Variants in SLC24A3 observed in about 807,000 individuals in gnomAD.
SLC24A3 encodes the protein solute carrier family 24 member 3.
A neutral mutation model predicts 75.8 loss-of-function variants in SLC24A3; 28 were observed. That is an observed-to-expected ratio of 0.37 (90% confidence interval 0.27 to 0.51). The LOEUF (loss-of-function observed/expected upper bound fraction) is 0.51. SLC24A3 is among the 20% of genes least tolerant of loss of function. The pLI is 0.94. For missense variants in SLC24A3, 663 were observed against 847.8 expected, an observed-to-expected ratio of 0.78 and a Z score of 2.71; for synonymous variants, 372 against 334.1, an observed-to-expected ratio of 1.11 and a Z score of -1.24.
chr20:19,522,340 C>T (rs74546993), intron 3 of SLC24A3, among the ~76,000 whole-genome samples: 2,078 of 152,280 alleles, frequency 0.014, 19 homozygotes, highest in Non-Finnish European at 0.022. Flanking sequence ...GCCATCCAAA[C>T]AAGCAGGATG....
chr20:19,623,484 A>G (rs1204692716), intron 6 of SLC24A3, among the ~76,000 whole-genome samples: 1 of 152,214 alleles, frequency 6.6e-6, no homozygotes, highest in Non-Finnish European at 1.5e-5. Context: ...TTAGAGGTTC[A>G]GAATGTATTG....
chr20:19,338,568 C>T (rs962756145), intron 2 of SLC24A3, among the ~76,000 whole-genome samples: 1 of 152,156 alleles, frequency 6.6e-6, no homozygotes, highest in African/African-American at 2.4e-5. Context: ...CCCATATGAT[C>T]ACAATGCCTG....
chr20:19,401,263 A>G (rs1408394910), intron 2 of SLC24A3, among the ~76,000 whole-genome samples: 2 of 152,216 alleles, frequency 1.3e-5, no homozygotes, highest in South Asian at 2.1e-4. Context: ...GGTGCTGCCA[A>G]TGATGACACC....
rs559364706 is a variant in SLC24A3 at position 19,542,419 on chromosome 20, C to T, written c.348+26855C>T. On this transcript the variant is annotated intron_variant, in intron 3 of 16. Coordinates refer to ENST00000328041, the MANE Select transcript of SLC24A3 (RefSeq NM_020689.4). ...AGGGTGGTAAATTGACTGGAAACCA[C>T]GCCTAGGACTTCCAGGTGAAATCAC... Among the ~76,000 whole-genome samples, 45 of 152,306 alleles carry T rather than the reference C, an allele frequency of 3.0e-4. No homozygotes were observed. The South Asian group carries it at 7.7e-3, about 26-fold the overall frequency.
At chr20:19,362,178 G>A (rs572579205) in intron 2 of SLC24A3, among the ~76,000 whole-genome samples, 4 of 152,296 alleles carry the variant, frequency 2.6e-5, no homozygotes, top group Admixed American at 6.5e-5. Context: ...GTGAAATCTC[G>A]CATTCTCTGG....
At position 19,534,004 on chromosome 20, in the gene SLC24A3, G is replaced by A. The variant is rs6112448; in HGVS notation, c.348+18440G>A. Among the ~76,000 whole-genome samples the A allele has an allele frequency of 7.7e-3, 1,169 of 152,346 alleles. 8 individuals carry two copies. The highest frequency in any genetic ancestry group is 0.012 in the Non-Finnish European group (844 of 68,038). On this transcript the variant is annotated intron_variant, in intron 3 of 16. Coordinates refer to ENST00000328041, the MANE Select transcript of SLC24A3 (RefSeq NM_020689.4). ...AAAGAACAGAAGCCCTGGGGCAGTGGTGTTTGCAGGGTTCAGTTGACTCTA... is the reference window on the plus strand; with the variant it reads ...AAAGAACAGAAGCCCTGGGGCAGTGATGTTTGCAGGGTTCAGTTGACTCTA...
intron 6 of SLC24A3, among the ~76,000 whole-genome samples, chr20:19,628,375 T>G (rs961454416): frequency 1.3e-5 from 2 of 151,942 alleles, no homozygotes; most frequent in African/African-American, 4.8e-5. Flanking sequence ...TTAACAACAA[T>G]GTATAAACCA....
intron 2 of SLC24A3, among the ~76,000 whole-genome samples, chr20:19,471,472 A>G (rs1216907320): frequency 2.0e-5 from 3 of 152,162 alleles, no homozygotes; most frequent in African/African-American, 7.2e-5. Context: ...GAATGTTTCT[A>G]GATGTTGAAT....
At chr20:19,640,672 C>T (rs11698221) in intron 6 of SLC24A3, among the ~76,000 whole-genome samples, 2 of 152,088 alleles carry the variant, frequency 1.3e-5, no homozygotes, top group Non-Finnish European at 2.9e-5. Flanking sequence ...ATCACTTCAA[C>T]CCGGGAGGCG....
intron 4 of SLC24A3, among the ~76,000 whole-genome samples, chr20:19,583,268 A>C (rs572937790): frequency 1.1e-4 from 16 of 152,286 alleles, no homozygotes; most frequent in African/African-American, 3.6e-4. Context: ...GGCTTGTGCA[A>C]GGGGCAGGAT....
At chr20:19,419,387 G>A (rs1041999631) in intron 2 of SLC24A3, among the ~76,000 whole-genome samples, 1 of 151,128 alleles carries the variant, frequency 6.6e-6, no homozygotes, top group Non-Finnish European at 1.5e-5. Context: ...TTTTTCCTGG[G>A]CATTTAAGCC....
chr20:19,439,075 C>A (rs774663582), intron 2 of SLC24A3, among the ~76,000 whole-genome samples: 3 of 152,220 alleles, frequency 2.0e-5, no homozygotes, highest in Non-Finnish European at 2.9e-5. Flanking sequence ...TCCAGGTTGG[C>A]ACCCCACATC....
Position 19,455,640 on chromosome 20 carries a change from A to T in SLC24A3, c.272-59848A>T, listed in dbSNP as rs565722476. Reference sequence around the variant, plus strand: ...CCTCTTCACCTCTTCATGGAGCAATAAAAGGTAATTCAGCATCCTCTCTCA... The same window carrying T: ...CCTCTTCACCTCTTCATGGAGCAATTAAAGGTAATTCAGCATCCTCTCTCA... On this transcript the variant is annotated intron_variant, in intron 2 of 16. Transcript: ENST00000328041. Among the ~76,000 whole-genome samples the T allele has an allele frequency of 3.3e-5, 5 of 152,332 alleles. No homozygotes were observed. The East Asian group carries it at 9.7e-4, about 29-fold the overall frequency.
At chr20:19,617,680 C>T (rs2031753689) in intron 6 of SLC24A3, among the ~76,000 whole-genome samples, 1 of 152,172 alleles carries the variant, frequency 6.6e-6, no homozygotes, top group African/African-American at 2.4e-5. Flanking sequence ...GGACTGTTCC[C>T]AGTGGGGAAG....
At chr20:19,285,901 A>G (rs3790177) in intron 2 of SLC24A3, among the ~76,000 whole-genome samples, 6,670 of 152,294 alleles carry the variant, frequency 0.044, 507 homozygotes, top group East Asian at 0.27. Context: ...TTTTATTTAT[A>G]CACTTTGCAG....
At chr20:19,667,460 G>A (rs1378025226) in intron 8 of SLC24A3, among the ~76,000 whole-genome samples, 4 of 152,212 alleles carry the variant, frequency 2.6e-5, no homozygotes, top group South Asian at 2.1e-4. Context: ...AGCTGATGGC[G>A]TAGTTAGCAC....
intron 2 of SLC24A3, among the ~76,000 whole-genome samples, chr20:19,288,394 A>G (rs559347086): frequency 3.4e-4 from 52 of 152,276 alleles, no homozygotes; most frequent in Admixed American, 5.9e-4. Flanking sequence ...CCTTTAGGGC[A>G]TTTTTATTGA....
intron 3 of SLC24A3, among the ~76,000 whole-genome samples, chr20:19,574,599 G>A (rs1307647272): frequency 2.0e-5 from 3 of 152,188 alleles, no homozygotes; most frequent in African/African-American, 4.8e-5. Context: ...TCTGTACCCT[G>A]CATGTCTCTT....
intron 12 of SLC24A3, among the ~76,000 whole-genome samples, chr20:19,686,043 A>G (rs889858016): frequency 2.6e-5 from 4 of 152,226 alleles, no homozygotes; most frequent in Non-Finnish European, 4.4e-5. Flanking sequence ...GTCAGTTTTT[A>G]TATTAATTCA....
Sources: gnomAD v4.1 joint callset for allele counts (sites outside exome capture counted in the v4.1 genomes callset) on GRCh38, gnomAD v4.1.1 for gene constraint, MANE v1.5 for transcripts, NCBI Gene and HGNC (gene_info 2026-07-23, HGNC 2026-07-21) for gene names.